The following ACTR3C variants were observed in gnomAD, a reference collection of about 807,000 sequenced individuals.
ACTR3C encodes actin related protein 3C.
A neutral mutation model predicts 26.3 loss-of-function variants in ACTR3C; 18 were observed. The observed-to-expected ratio is 0.68, with a 90% CI of 0.47 to 1.01. ACTR3C has a LOEUF of 1.01. Ranked by LOEUF, ACTR3C falls within the 50% of genes least tolerant of loss-of-function variation. ACTR3C has a pLI of 0.00. For synonymous variants in ACTR3C, 55 were observed against 94.5 expected, an observed-to-expected ratio of 0.58 and a Z score of 2.42; for missense variants, 184 against 250.7, an observed-to-expected ratio of 0.73 and a Z score of 1.80.
At chr7:149,922,779 T>A in the ACTR3C span, among the ~76,000 whole-genome samples, 3 of 151,378 alleles carry the variant, frequency 2.0e-5, no homozygotes, top group South Asian at 6.2e-4. Flanking sequence ...GAAAAGGATA[T>A]AAGACATATG....
rs1396051841 is a variant in ACTR3C at position 150,323,462 on chromosome 7, C to T, written c.-52+7G>A. 1.0e-5 allele frequency: 4 copies of T among 390,532 alleles called. No homozygotes were observed. The highest frequency in any genetic ancestry group is 1.5e-5 in the Non-Finnish European group (3 of 200,794). The allele number at this position is 390,532 out of a possible 1,614,324, so 24.2% of individuals were successfully genotyped here. On this transcript the variant is annotated splice_region_variant and intron_variant, in intron 1 of 7. Transcript: ENST00000683684. ...CAGGCGGCGGGCGGCGGGGCTGCGG[C>T]TCTTACCTGCCGAGGAGGCGCCGGC...
At chr7:150,073,043 C>G in the ACTR3C span, among the ~76,000 whole-genome samples, 1 of 152,288 alleles carries the variant, frequency 6.6e-6, no homozygotes, top group South Asian at 2.1e-4. Flanking sequence ...ATGCCGCCCC[C>G]TCCCCAAATT....
the ACTR3C span, among the ~76,000 whole-genome samples, chr7:150,016,852 A>G: frequency 6.6e-6 from 1 of 152,262 alleles, no homozygotes; most frequent in South Asian, 2.1e-4. Context: ...CAATAACATC[A>G]AGGCCGCTTT....
At chr7:150,037,914 C>T in the ACTR3C span, among the ~76,000 whole-genome samples, 209 of 133,618 alleles carry the variant, frequency 1.6e-3, 16 homozygotes, top group Middle Eastern at 3.8e-3. Context: ...TCAGTCCCCG[C>T]GTCGCGAGGG....
intron 6 of ACTR3C, among the ~76,000 whole-genome samples, chr7:150,260,721 G>C (rs1479013625): frequency 1.3e-5 from 2 of 152,174 alleles, no homozygotes; most frequent in African/African-American, 4.8e-5. Context: ...TTTGGAAGCT[G>C]TGCTTACCAT....
At chr7:150,021,296 C>T in the ACTR3C span, among the ~76,000 whole-genome samples, 1 of 151,758 alleles carries the variant, frequency 6.6e-6, no homozygotes, top group Admixed American at 6.5e-5. Context: ...CTTTATTTAG[C>T]CTATATATTG....
At chr7:149,992,418 C>T in the ACTR3C span, among the ~76,000 whole-genome samples, 1 of 152,244 alleles carries the variant, frequency 6.6e-6, no homozygotes, top group Non-Finnish European at 1.5e-5. Context: ...CCTCCCCAGC[C>T]ATATATCATA....
the ACTR3C span, among the ~76,000 whole-genome samples, chr7:149,902,674 G>A: frequency 1.1e-5 from 1 of 91,008 alleles, no homozygotes; most frequent in Non-Finnish European, 2.7e-5. Flanking sequence ...AGTAGGTGGG[G>A]TGGCTCACAC....
At chr7:149,913,260 T>C in the ACTR3C span, among the ~76,000 whole-genome samples, 138 of 152,110 alleles carry the variant, frequency 9.1e-4, no homozygotes, top group African/African-American at 3.1e-3. Flanking sequence ...AAGCAAAACA[T>C]AATTCTTAAA....
chr7:150,037,451 C>G, the ACTR3C span, among the ~76,000 whole-genome samples: 8 of 42,042 alleles, frequency 1.9e-4, 1 homozygote, highest in Non-Finnish European at 2.6e-4. Flanking sequence ...CCCTGCCTCG[C>G]GGGGGGTGCC....
the ACTR3C span, among the ~76,000 whole-genome samples, chr7:150,211,688 A>C: frequency 0.19 from 26,926 of 145,148 alleles, 4,507 homozygotes; most frequent in African/African-American, 0.42. Flanking sequence ...GCCCAGAGAG[A>C]GGTGCCCACC....
At chr7:150,281,362 C>T (rs547691250) in intron 6 of ACTR3C, among the ~76,000 whole-genome samples, 1 of 150,662 alleles carries the variant, frequency 6.6e-6, no homozygotes, top group Non-Finnish European at 1.5e-5. Context: ...ACAGACGATT[C>T]GGGGCATGCT....
chr7:150,105,196 C>T, the ACTR3C span, among the ~76,000 whole-genome samples: 1 of 151,530 alleles, frequency 6.6e-6, no homozygotes, highest in Non-Finnish European at 1.5e-5. Context: ...CATTCTCCTG[C>T]CTAAGCCTCT....
chr7:150,081,633 T>C, the ACTR3C span, among the ~76,000 whole-genome samples: 1 of 151,424 alleles, frequency 6.6e-6, no homozygotes, highest in Admixed American at 6.5e-5. Context: ...AAATTATTCA[T>C]TTGTGTGTAG....
chr7:150,034,111 G>T, the ACTR3C span, among the ~76,000 whole-genome samples: 1 of 145,644 alleles, frequency 6.9e-6, no homozygotes, highest in African/African-American at 2.4e-5. Context: ...CCCAACAACC[G>T]GGGGGAAGAG....
At chr7:150,276,668 C>T (rs1279245486) in intron 6 of ACTR3C, among the ~76,000 whole-genome samples, 1 of 152,246 alleles carries the variant, frequency 6.6e-6, no homozygotes, top group African/African-American at 2.4e-5. Flanking sequence ...ATTACCCACA[C>T]GTCTTCTTTC....
At chr7:150,167,333 T>TG in the ACTR3C span, among the ~76,000 whole-genome samples, 29 of 150,850 alleles carry the variant, frequency 1.9e-4, 4 homozygotes, top group African/African-American at 6.7e-4. Flanking sequence ...TGCTATTTTT[T>TG]GTCTAAAAAG....
At chr7:150,015,185 AC>A in the ACTR3C span, among the ~76,000 whole-genome samples, 1 of 152,070 alleles carries the variant, frequency 6.6e-6, no homozygotes, top group Non-Finnish European at 1.5e-5. Flanking sequence ...ACTGGCTCCA[AC>A]CCTTGAGCAC....
the ACTR3C span, among the ~76,000 whole-genome samples, chr7:149,906,408 G>GTTTTTTT: frequency 1.1e-5 from 1 of 90,706 alleles, no homozygotes. Context: ...TGTGGGGTTT[G>GTTTTTTT]TTTCTTTTTT....
Sources: allele counts gnomAD v4.1 joint callset (sites outside exome capture counted in the v4.1 genomes callset), GRCh38; gene constraint gnomAD v4.1.1; transcripts MANE v1.5; gene names NCBI Gene and HGNC (gene_info 2026-07-23, HGNC 2026-07-21).